The following ZNF860 variants were observed in gnomAD, a reference collection of about 807,000 sequenced individuals.
ZNF860 encodes zinc finger protein 860.
For missense variants in ZNF860, 641 were observed against 759.2 expected (o/e 0.84, Z 1.83); for synonymous variants, 206 against 248.9 (o/e 0.83, Z 1.62).
At chr3:32,004,205 G>A in the ZNF860 span, among the ~76,000 whole-genome samples, 1 of 152,148 alleles carries the variant, frequency 6.6e-6, no homozygotes, top group Admixed American at 6.5e-5. Context: ...TGTTAGAGTG[G>A]TGACAGCCAA....
chr3:31,994,491 A>ATGAT (rs1381223487), downstream of ZNF860, among the ~76,000 whole-genome samples: 1 of 149,648 alleles, frequency 6.7e-6, no homozygotes, highest in African/African-American at 2.5e-5. Context: ...AGGGAAAAAA[A>ATGAT]GGATGGATGG....
At chr3:32,000,618 C>T in the ZNF860 span, among the ~76,000 whole-genome samples, 7 of 152,320 alleles carry the variant, frequency 4.6e-5, no homozygotes, top group East Asian at 1.4e-3. Context: ...GTTCTCAGCA[C>T]GGTTTGTCAG....
At chr3:31,995,572 CAT>C (rs561370299), downstream of ZNF860, among the ~76,000 whole-genome samples, 208 of 152,248 alleles carry the variant, frequency 1.4e-3, no homozygotes, top group African/African-American at 4.7e-3. Context: ...TTCAAACACA[CAT>C]GTTTTACAAT....
At chr3:31,994,487 A>G (rs920816689), downstream of ZNF860, among the ~76,000 whole-genome samples, 1 of 144,530 alleles carries the variant, frequency 6.9e-6, no homozygotes, top group African/African-American at 2.7e-5. Flanking sequence ...TGTCAGGGAA[A>G]AAAAGGATGG....
At position 31,988,646 on chromosome 3, in the gene ZNF860, C is replaced by G. The variant is rs1027116057; in HGVS notation, c.-420-14C>G. On this transcript the variant is annotated splice_polypyrimidine_tract_variant and intron_variant, in intron 1 of 1. Transcript: ENST00000360311. ...TTTCTCTCTCCCCCTGTCTTTCTCTCTCTCTATCATCAGTCACTCTAGGAA... is the reference window on the plus strand; with the variant it reads ...TTTCTCTCTCCCCCTGTCTTTCTCTGTCTCTATCATCAGTCACTCTAGGAA... 5.4e-5 allele frequency: 10 copies of G among 185,294 alleles called. No individual in the cohort carries two copies. The highest frequency in any genetic ancestry group is 1.1e-4 in the Admixed American group (2 of 18,798). 11.5% of individuals were successfully genotyped at this position (185,294 alleles called of 1,614,324 possible).
downstream of ZNF860, among the ~76,000 whole-genome samples, chr3:31,993,460 G>T (rs1016392476): frequency 6.6e-6 from 1 of 151,848 alleles, no homozygotes; most frequent in South Asian, 2.1e-4. Context: ...CACCCGCCTC[G>T]GCCTCCCAAA....
the ZNF860 span, among the ~76,000 whole-genome samples, chr3:32,002,671 C>A: frequency 6.6e-6 from 1 of 152,166 alleles, no homozygotes; most frequent in African/African-American, 2.4e-5. Context: ...TCATTTCAAA[C>A]AGCAATGTTT....
In ZNF860 at chr3:31,990,026, G is replaced by A; in HGVS notation, c.947G>A (p.Cys316Tyr). 1.2e-6 allele frequency: 2 copies of A among 1,614,120 alleles called. No homozygotes were observed. The highest frequency in any genetic ancestry group is 2.2e-5 in the East Asian group (1 of 44,876). ...CATACTGGAGAGAAACCTTACAAATGTGAAGAATGTGACAAAGTTTTTAGT... is the reference window on the plus strand; with the variant it reads ...CATACTGGAGAGAAACCTTACAAATATGAAGAATGTGACAAAGTTTTTAGT... The part of the protein sequence containing the change: ...RLHTGEKPYK[C>Y]EECDKVFSRK... Residue 316 changes from cysteine (C) to tyrosine (Y), a missense_variant, in exon 2 of 2, where the codon TGT (cysteine) becomes TAT (tyrosine). Cys to Tyr is a radical substitution (Grantham distance 194, BLOSUM62 -2). Coordinates refer to ENST00000360311, the MANE Select transcript of ZNF860 (RefSeq NM_001137674.3).
chr3:31,988,166 T>TC (rs1041006998), intron 1 of ZNF860, among the ~76,000 whole-genome samples: 23 of 152,208 alleles, frequency 1.5e-4, no homozygotes, highest in African/African-American at 5.3e-4. Context: ...GGAGCAATTA[T>TC]CCTGTGTCTG....
chr3:31,987,622 A>G (rs1698951809), intron 1 of ZNF860, among the ~76,000 whole-genome samples: 1 of 152,152 alleles, frequency 6.6e-6, no homozygotes, highest in Non-Finnish European at 1.5e-5. Context: ...GGGCTCTCTA[A>G]TCCACAGGGT....
chr3:31,982,469 A>G (rs1025056149), intron 1 of ZNF860, among the ~76,000 whole-genome samples: 1 of 152,138 alleles, frequency 6.6e-6, no homozygotes, highest in African/African-American at 2.4e-5. Context: ...AAAAATTACT[A>G]AATGGAAAAG....
At position 31,990,279 on chromosome 3, in the gene ZNF860, T is replaced by A. The variant is rs747728301; in HGVS notation, c.1200T>A (p.Cys400Ter). 1 of 1,614,130 alleles carries A rather than the reference T, an allele frequency of 6.2e-7. No homozygotes were observed. Among genetic ancestry groups the A allele is most frequent in the Non-Finnish European group, 8.5e-7 (1 of 1,179,984 alleles). Reference sequence around the variant, plus strand: ...ATGGTATAGGGAAACTTTATAAATGTAATGATTGTCACAAAGTCTTCAGTA... The same window carrying A: ...ATGGTATAGGGAAACTTTATAAATGAAATGATTGTCACAAAGTCTTCAGTA... ...AIHGIGKLYK[C>*]NDCHKVFSNA... Residue 400 changes from cysteine to a stop codon, truncating the protein, a stop_gained, in exon 2 of 2, where the codon TGT (cysteine) becomes TGA (stop). Transcript: ENST00000360311. LOFTEE classifies it low-confidence loss of function (END_TRUNC).
the ZNF860 span, among the ~76,000 whole-genome samples, chr3:32,000,411 G>A: frequency 8.3e-3 from 1,268 of 152,184 alleles, 53 homozygotes; most frequent in East Asian, 0.15. Flanking sequence ...TGACCTCTCT[G>A]GGCCTCAGTC....
chr3:31,998,257 C>T, the ZNF860 span, among the ~76,000 whole-genome samples: 2 of 151,902 alleles, frequency 1.3e-5, no homozygotes, highest in African/African-American at 4.8e-5. Context: ...TTTTTTGCCC[C>T]CAGATGAAAG....
At chr3:32,004,809 A>G in the ZNF860 span, among the ~76,000 whole-genome samples, 1 of 152,244 alleles carries the variant, frequency 6.6e-6, no homozygotes, top group Non-Finnish European at 1.5e-5. Flanking sequence ...GCCATGTTTT[A>G]GACCAAAGAA....
At chr3:31,987,158 G>T (rs191148685) in intron 1 of ZNF860, among the ~76,000 whole-genome samples, 1 of 150,918 alleles carries the variant, frequency 6.6e-6, no homozygotes, top group Non-Finnish European at 1.5e-5. Flanking sequence ...CCTTCCCTTC[G>T]TCCAGACACT....
At chr3:31,996,459 C>A (rs1426618990), downstream of ZNF860, among the ~76,000 whole-genome samples, 4 of 151,898 alleles carry the variant, frequency 2.6e-5, no homozygotes, top group African/African-American at 7.3e-5. Context: ...TATGAGCCAA[C>A]CTATGTGTGA....
chr3:31,994,330 C>A (rs1467855623), downstream of ZNF860, among the ~76,000 whole-genome samples: 2 of 152,246 alleles, frequency 1.3e-5, no homozygotes, highest in East Asian at 3.9e-4. Flanking sequence ...GTTACAAGAG[C>A]TCCAGGCCTC....
the ZNF860 span, among the ~76,000 whole-genome samples, chr3:32,000,602 G>C: frequency 2.3e-3 from 354 of 152,246 alleles, 1 homozygote; most frequent in African/African-American, 8.1e-3. Flanking sequence ...GCGAAATTGC[G>C]GGGCTGTTCT....
Sources: allele counts gnomAD v4.1 joint callset (sites outside exome capture counted in the v4.1 genomes callset), GRCh38; gene constraint gnomAD v4.1.1; transcripts MANE v1.5; gene names NCBI Gene and HGNC (gene_info 2026-07-23, HGNC 2026-07-21).